The following THSD7B variants were observed in gnomAD, a reference collection of about 807,000 sequenced individuals.
The protein encoded by THSD7B is thrombospondin type-1 domain-containing protein 7B.
A neutral mutation model predicts 213.6 loss-of-function variants in THSD7B; 138 were observed. The ratio of observed to expected loss-of-function variants is 0.65; its 90% CI spans 0.56 to 0.74. THSD7B has a LOEUF of 0.74. Ranked by LOEUF, THSD7B falls within the 30% of genes least tolerant of loss-of-function variation. The pLI is 0.00. For synonymous variants in THSD7B, 742 were observed against 687.0 expected, an observed-to-expected ratio of 1.08 and a Z score of -1.25; for missense variants, 1,931 against 1,991.5, an observed-to-expected ratio of 0.97 and a Z score of 0.58.
At chr2:137,081,978 T>C (rs1687755366) in intron 3 of THSD7B, among the ~76,000 whole-genome samples, 1 of 152,108 alleles carries the variant, frequency 6.6e-6, no homozygotes, top group African/African-American at 2.4e-5. Flanking sequence ...CCCTCTTTAC[T>C]GCATTATCTC....
Position 137,160,243 on chromosome 2 carries a change from T to G in THSD7B, c.1400T>G (p.Val467Gly), listed in dbSNP as rs753415968. 23 of 1,613,490 alleles carry G rather than the reference T, an allele frequency of 1.4e-5. No individual in the cohort carries two copies. The South Asian group carries it at 2.4e-4, about 17-fold the overall frequency. ...VSRPVEKALC[V>G]GPAPLPSQLC... ...AGACCTGTGGAAAAGGCATTATGTGTGGGACCCGCCCCGTTGCCCTCTCAG... is the reference window on the plus strand; with the variant it reads ...AGACCTGTGGAAAAGGCATTATGTGGGGGACCCGCCCCGTTGCCCTCTCAG... The change falls in exon 6 of 28, where the codon GTG (valine) becomes GGG (glycine). Residue 467 changes from valine (V) to glycine (G), a missense_variant. Transcript: ENST00000409968.
intron 7 of THSD7B, among the ~76,000 whole-genome samples, chr2:137,204,614 T>G (rs1413605283): frequency 6.6e-6 from 1 of 152,126 alleles, no homozygotes; most frequent in Non-Finnish European, 1.5e-5. Context: ...AAATGAGACA[T>G]TTTCATTTAC....
chr2:137,655,742 GCTCAT>G, intron 22 of THSD7B, 82 bp downstream of exon 22: 1 of 1,416,966 alleles, frequency 7.1e-7, no homozygotes, highest in Non-Finnish European at 9.4e-7. Context: ...AGATGCTCTA[GCTCAT>G]CAAAATTAAA....
chr2:137,024,643 A>C (rs985833883), intron 2 of THSD7B, among the ~76,000 whole-genome samples: 1 of 152,094 alleles, frequency 6.6e-6, no homozygotes, highest in African/African-American at 2.4e-5. Flanking sequence ...CTGTATTAAA[A>C]ATTGATATTT....
At position 137,628,237 on chromosome 2, in the gene THSD7B, C is replaced by A. The variant is rs114815839; in HGVS notation, c.3799+7511C>A. Among the ~76,000 whole-genome samples, 358 of 152,268 alleles carry A rather than the reference C, an allele frequency of 2.4e-3. 2 individuals are homozygous for A. The highest frequency in any genetic ancestry group is 8.3e-3 in the African/African-American group (346 of 41,536). On this transcript the variant is annotated intron_variant, in intron 20 of 27. Transcript: ENST00000409968. ...ATTCCATAGATGCAGTCACCCTAAT[C>A]TCCCAATTTTATATCTCATCCTTTT...
intron 20 of THSD7B, among the ~76,000 whole-genome samples, chr2:137,622,832 A>G (rs568626555): frequency 6.6e-6 from 1 of 152,338 alleles, no homozygotes; most frequent in African/African-American, 2.4e-5. Context: ...TTGAGGCAAT[A>G]ATTAATAGAC....
chr2:137,508,710 CAT>C (rs1319571537), intron 15 of THSD7B, among the ~76,000 whole-genome samples: 1 of 152,002 alleles, frequency 6.6e-6, no homozygotes, highest in Admixed American at 6.6e-5. Flanking sequence ...AGCTGGAGCT[CAT>C]GTGTATAAAT....
intron 15 of THSD7B, among the ~76,000 whole-genome samples, chr2:137,508,525 T>C (rs563671124): frequency 0.019 from 2,915 of 149,734 alleles, 47 homozygotes; most frequent in Non-Finnish European, 0.028. Flanking sequence ...TACAGGCGCC[T>C]GCCACCATGC....
At chr2:137,318,971 G>A (rs115551198) in intron 12 of THSD7B, among the ~76,000 whole-genome samples, 1 of 151,386 alleles carries the variant, frequency 6.6e-6, no homozygotes, top group Non-Finnish European at 1.5e-5. Context: ...AGATTGAATT[G>A]TCTCACAATG....
intron 10 of THSD7B, among the ~76,000 whole-genome samples, chr2:137,268,251 C>G (rs1682646115): frequency 6.6e-6 from 1 of 151,766 alleles, no homozygotes; most frequent in Non-Finnish European, 1.5e-5. Context: ...TTTGCTGCAC[C>G]CATCAACTGA....
Position 137,453,067 on chromosome 2 carries a change from C to G in THSD7B, c.3138+2044C>G, listed in dbSNP as rs539914145. On this transcript the variant is annotated intron_variant, in intron 15 of 27. Coordinates refer to ENST00000409968, the MANE Select transcript of THSD7B (RefSeq NM_001316349.2). ...TCAAAAAAGAACCCTGTATAATGAT[C>G]AGAAATATAATTTAGTTTGGCTTTT... 5.9e-5 allele frequency among the ~76,000 whole-genome samples: 9 copies of G among 151,978 alleles called. 1 individual carries two copies. The South Asian group carries it at 1.9e-3, about 32-fold the overall frequency.
intron 2 of THSD7B, among the ~76,000 whole-genome samples, chr2:137,033,353 T>G (rs1686711027): frequency 6.6e-6 from 1 of 152,274 alleles, no homozygotes; most frequent in South Asian, 2.1e-4. Context: ...CTCAGGCCGG[T>G]TCAGGTGGCA....
At chr2:137,561,007 C>A (rs1219709719) in intron 15 of THSD7B, among the ~76,000 whole-genome samples, 1 of 152,116 alleles carries the variant, frequency 6.6e-6, no homozygotes, top group Non-Finnish European at 1.5e-5. Flanking sequence ...ATGAACAATT[C>A]TTAAATGATA....
chr2:137,581,142 A>G (rs1681565552), intron 17 of THSD7B, among the ~76,000 whole-genome samples: 1 of 152,232 alleles, frequency 6.6e-6, no homozygotes, highest in Non-Finnish European at 1.5e-5. Context: ...TATACAATAT[A>G]TTAAAGTATG....
chr2:137,103,914 T>C (rs900443683), intron 4 of THSD7B, among the ~76,000 whole-genome samples: 1 of 152,156 alleles, frequency 6.6e-6, no homozygotes, highest in Admixed American at 6.5e-5. Flanking sequence ...CAAAGAGACT[T>C]AGACTCCCAC....
chr2:137,376,264 C>T (rs2104957340), intron 12 of THSD7B, among the ~76,000 whole-genome samples: 1 of 152,244 alleles, frequency 6.6e-6, no homozygotes, highest in Middle Eastern at 3.4e-3. Context: ...TATTTCATGG[C>T]AGATGTAGTT....
chr2:137,290,762 A>T (rs745698988), intron 12 of THSD7B, among the ~76,000 whole-genome samples: 5 of 152,094 alleles, frequency 3.3e-5, no homozygotes, highest in Non-Finnish European at 7.3e-5. Flanking sequence ...TCTCTATCTG[A>T]GTTTTCAATC....
intron 1 of THSD7B, among the ~76,000 whole-genome samples, chr2:136,864,841 C>T (rs776229400): frequency 3.9e-5 from 6 of 152,166 alleles, no homozygotes; most frequent in Admixed American, 3.9e-4. Flanking sequence ...CGTGAGCCAC[C>T]GTGCCTGGCC....
intron 15 of THSD7B, among the ~76,000 whole-genome samples, chr2:137,508,605 G>A (rs1170061379): frequency 6.7e-6 from 1 of 150,374 alleles, no homozygotes; most frequent in Non-Finnish European, 1.5e-5. Context: ...TAGCCAGGAT[G>A]GTTTCAATCT....
Sources: gnomAD v4.1 joint callset for allele counts (sites outside exome capture counted in the v4.1 genomes callset) on GRCh38, gnomAD v4.1.1 for gene constraint, MANE v1.5 for transcripts, NCBI Gene and HGNC (gene_info 2026-07-23, HGNC 2026-07-21) for gene names.